The following GARIN1A variants were observed in gnomAD, a reference collection of about 807,000 sequenced individuals.
The protein encoded by GARIN1A is golgi associated RAB2 interactor 1A.
the GARIN1A span, chr7:128,675,583 G>A: frequency 7.4e-7 from 1 of 1,343,300 alleles, no homozygotes; most frequent in Non-Finnish European, 1.0e-6. Flanking sequence ...GTGCACACCT[G>A]CCCCCAAGAT....
chr7:128,700,337 G>C, the GARIN1A span, among the ~76,000 whole-genome samples: 4 of 150,022 alleles, frequency 2.7e-5, no homozygotes, highest in Non-Finnish European at 1.5e-5. Context: ...CTGCAGTGCA[G>C]TGGCACGATC....
the GARIN1A span, among the ~76,000 whole-genome samples, chr7:128,678,778 C>T: frequency 7.2e-6 from 1 of 138,638 alleles, no homozygotes. Flanking sequence ...CCAGCCTGGG[C>T]GAAAGAGTGA....
At chr7:128,683,119 A>T in the GARIN1A span, 1 of 1,612,648 alleles carries the variant, frequency 6.2e-7, no homozygotes, top group East Asian at 2.2e-5. Context: ...CTACAAGTTC[A>T]TATAGCCAGT....
the GARIN1A span, chr7:128,675,515 G>A: frequency 3.0e-6 from 2 of 666,160 alleles, no homozygotes; most frequent in Non-Finnish European, 2.6e-6. Flanking sequence ...TGACCTTAAA[G>A]TGTATTTGGG....
the GARIN1A span, among the ~76,000 whole-genome samples, chr7:128,695,483 AAGG>A: frequency 6.6e-6 from 1 of 152,204 alleles, no homozygotes; most frequent in Non-Finnish European, 1.5e-5. The surrounding 1 kb of genome is among the most constrained non-coding windows in gnomAD (Gnocchi z 4.5). Flanking sequence ...TGGTCACCAC[AAGG>A]AGAAGTATAG....
chr7:128,683,043 A>C, the GARIN1A span: 24 of 1,611,264 alleles, frequency 1.5e-5, no homozygotes, highest in Non-Finnish European at 2.0e-5. Flanking sequence ...AATCAATTTG[A>C]ATATACCCAT....
At chr7:128,708,459 C>T in the GARIN1A span, among the ~76,000 whole-genome samples, 1 of 151,828 alleles carries the variant, frequency 6.6e-6, no homozygotes, top group Non-Finnish European at 1.5e-5. Context: ...CAATGGTGAA[C>T]CCAGCTGGGC....
the GARIN1A span, chr7:128,672,648 G>GA: frequency 1.0e-4 from 71 of 709,226 alleles, no homozygotes; most frequent in African/African-American, 6.4e-4. Flanking sequence ...AGCCCTGGGG[G>GA]AGGGGGGGGC....
At chr7:128,700,886 A>G in the GARIN1A span, among the ~76,000 whole-genome samples, 1 of 152,030 alleles carries the variant, frequency 6.6e-6, no homozygotes, top group Non-Finnish European at 1.5e-5. Flanking sequence ...CCTACTGCTG[A>G]AAACAAAACA....
At chr7:128,687,493 C>T in the GARIN1A span, 1 of 152,204 alleles carries the variant, frequency 6.6e-6, no homozygotes, top group African/African-American at 2.4e-5. Flanking sequence ...AATGCTGCAG[C>T]AAGCTAGGTG....
At chr7:128,681,527 T>G in the GARIN1A span, among the ~76,000 whole-genome samples, 1 of 139,432 alleles carries the variant, frequency 7.2e-6, no homozygotes, top group African/African-American at 2.6e-5. Context: ...TTTCCAACAG[T>G]GTCTCACTCT....
At chr7:128,703,361 A>G in the GARIN1A span, among the ~76,000 whole-genome samples, 1 of 152,268 alleles carries the variant, frequency 6.6e-6, no homozygotes, top group Non-Finnish European at 1.5e-5. Context: ...TAAACTGTAA[A>G]TAGTAAAAGA....
chr7:128,691,396 G>A, the GARIN1A span: 1 of 152,188 alleles, frequency 6.6e-6, no homozygotes, highest in Non-Finnish European at 1.5e-5. Flanking sequence ...CTCCCTTGTG[G>A]TGACATAAGG....
At chr7:128,689,543 G>C in the GARIN1A span, among the ~76,000 whole-genome samples, 1 of 150,072 alleles carries the variant, frequency 6.7e-6, no homozygotes, top group African/African-American at 2.5e-5. Flanking sequence ...GAAGTGAGGA[G>C]CCCCTCCGCC....
At chr7:128,675,662 G>A in the GARIN1A span, 1 of 1,612,900 alleles carries the variant, frequency 6.2e-7, no homozygotes. Context: ...ATGTACCTGA[G>A]GCTGATTTCC....
chr7:128,693,182 G>T, the GARIN1A span, among the ~76,000 whole-genome samples: 8 of 152,344 alleles, frequency 5.3e-5, no homozygotes, highest in South Asian at 1.0e-3. Context: ...TATGTCCAAA[G>T]AAAACATTGT....
chr7:128,693,927 C>T, the GARIN1A span: 1 of 153,518 alleles, frequency 6.5e-6, no homozygotes, highest in Middle Eastern at 3.1e-3. Flanking sequence ...ATCTGGAAGC[C>T]TAGCTGGTCT....
At chr7:128,672,868 A>G in the GARIN1A span, among the ~76,000 whole-genome samples, 1 of 152,232 alleles carries the variant, frequency 6.6e-6, no homozygotes, top group Non-Finnish European at 1.5e-5. Context: ...GTGGATGGTT[A>G]CAGGGAATGA....
chr7:128,687,335 CTCTAA>C, the GARIN1A span: 1 of 152,190 alleles, frequency 6.6e-6, no homozygotes, highest in East Asian at 1.9e-4. Context: ...GAGAAGCTGA[CTCTAA>C]TCTAAACCAA....
Sources: gnomAD v4.1 joint callset for allele counts (sites outside exome capture counted in the v4.1 genomes callset) on GRCh38, gnomAD v4.1.1 for gene constraint, Gnocchi (gnomAD v3.1) non-coding constraint, MANE v1.5 for transcripts, NCBI Gene and HGNC (gene_info 2026-07-23, HGNC 2026-07-21) for gene names.